Variants in MARCHF1 observed in about 807,000 individuals in gnomAD.
The protein encoded by MARCHF1 is E3 ubiquitin-protein ligase MARCHF1.
Under a neutral mutation model 54.2 loss-of-function variants are expected in MARCHF1, and 40 were observed. That is an observed-to-expected ratio of 0.74 (90% CI 0.57 to 0.96). MARCHF1 has a LOEUF of 0.96. Among genes scored for constraint, MARCHF1 ranks in the 40% least tolerant of loss-of-function variants. MARCHF1 has a pLI of 0.00. For synonymous variants in MARCHF1, 236 were observed against 236.3 expected, an observed-to-expected ratio of 1.00 and a Z score of 0.01; for missense variants, 586 against 656.5, an observed-to-expected ratio of 0.89 and a Z score of 1.17.
At chr4:164,015,323 AC>A (rs1310385271) in intron 2 of MARCHF1, among the ~76,000 whole-genome samples, 1 of 152,194 alleles carries the variant, frequency 6.6e-6, no homozygotes, top group Non-Finnish European at 1.5e-5. Flanking sequence ...TTAAGGACTT[AC>A]AACTAAAAAT....
At chr4:163,797,146 A>T (rs1239014385) in intron 4 of MARCHF1, among the ~76,000 whole-genome samples, 3 of 151,964 alleles carry the variant, frequency 2.0e-5, no homozygotes, top group African/African-American at 4.8e-5. Flanking sequence ...GCTGCATTTC[A>T]CATTTGCTAA....
chr4:163,980,432 A>T (rs1752738737), intron 3 of MARCHF1, among the ~76,000 whole-genome samples: 1 of 149,624 alleles, frequency 6.7e-6, no homozygotes, highest in Non-Finnish European at 1.5e-5. Flanking sequence ...AAACCTAGGC[A>T]TTACCATTCA....
chr4:164,076,295 C>T (rs983294671), intron 2 of MARCHF1, among the ~76,000 whole-genome samples: 2 of 151,824 alleles, frequency 1.3e-5, no homozygotes, highest in Non-Finnish European at 2.9e-5. Flanking sequence ...AATATTAGAG[C>T]TCAAAGAATC....
intron 4 of MARCHF1, among the ~76,000 whole-genome samples, chr4:163,828,629 T>C (rs1280709367): frequency 3.3e-5 from 5 of 152,096 alleles, no homozygotes; most frequent in Admixed American, 2.0e-4. Context: ...TGATTTCAAG[T>C]TTCACACACA....
chr4:163,661,182 TAA>T (rs1743331691), intron 5 of MARCHF1, among the ~76,000 whole-genome samples: 1 of 152,062 alleles, frequency 6.6e-6, no homozygotes, highest in African/African-American at 2.4e-5. Context: ...ACACGAATAT[TAA>T]GTCACCTGCT....
chr4:163,719,662 T>C (rs1745380648), intron 4 of MARCHF1, among the ~76,000 whole-genome samples: 1 of 151,628 alleles, frequency 6.6e-6, no homozygotes. Flanking sequence ...GTAAAAGTGT[T>C]CCTATTTCTC....
intron 1 of MARCHF1, among the ~76,000 whole-genome samples, chr4:164,231,479 T>C (rs1395280176): frequency 6.6e-6 from 1 of 152,202 alleles, no homozygotes; most frequent in African/African-American, 2.4e-5. Context: ...ATCTAGTGTG[T>C]AAATTGTTCA....
intron 3 of MARCHF1, among the ~76,000 whole-genome samples, chr4:163,887,095 T>C (rs1750554762): frequency 6.6e-6 from 1 of 152,138 alleles, no homozygotes; most frequent in Admixed American, 6.6e-5. Context: ...TGATATATTC[T>C]CTACCTTTAG....
intron 2 of MARCHF1, among the ~76,000 whole-genome samples, chr4:163,989,285 T>TAGAG (rs1560850595): frequency 3.3e-4 from 31 of 93,724 alleles, no homozygotes; most frequent in African/African-American, 8.9e-4. Flanking sequence ...GAATGAGGTG[T>TAGAG]TGAGAGAGAG....
intron 8 of MARCHF1, among the ~76,000 whole-genome samples, chr4:163,552,998 C>A (rs13148542): frequency 0.66 from 98,293 of 149,030 alleles, 32,719 homozygotes; most frequent in East Asian, 0.81. Flanking sequence ...GCGCCACTGC[C>A]CTCCAGCCTG....
At chr4:163,533,196 CAAAAGGACACGAAGAAACCTTAA>C (rs1477239649) in intron 9 of MARCHF1, among the ~76,000 whole-genome samples, 10 of 151,956 alleles carry the variant, frequency 6.6e-5, no homozygotes, top group East Asian at 5.8e-4. Context: ...TATCAAGCTA[CAAAAGGACACGAAGAAACCTTAA>C]ATGTATATTG....
chr4:164,311,977 A>G (rs771340627), intron 1 of MARCHF1, among the ~76,000 whole-genome samples: 33 of 152,256 alleles, frequency 2.2e-4, no homozygotes, highest in Middle Eastern at 3.4e-3. Context: ...TTTGATCCCC[A>G]AGTTTCAAAG....
At chr4:163,732,080 C>A (rs1449479365) in intron 4 of MARCHF1, among the ~76,000 whole-genome samples, 6 of 151,502 alleles carry the variant, frequency 4.0e-5, no homozygotes, top group Admixed American at 1.3e-4. Flanking sequence ...GTCCTATGAC[C>A]CATACTGAGA....
At chr4:164,373,667 T>C (rs1336780025) in intron 1 of MARCHF1, among the ~76,000 whole-genome samples, 2 of 152,080 alleles carry the variant, frequency 1.3e-5, no homozygotes, top group African/African-American at 4.8e-5. Context: ...AAAACCACTT[T>C]ATATAACAAA....
At chr4:164,187,193 C>A (rs1579605572) in intron 1 of MARCHF1, among the ~76,000 whole-genome samples, 1 of 151,982 alleles carries the variant, frequency 6.6e-6, no homozygotes, top group African/African-American at 2.4e-5. Flanking sequence ...CAGCTTTGTT[C>A]GAGGAAATCT....
intron 1 of MARCHF1, among the ~76,000 whole-genome samples, chr4:164,286,503 G>GA (rs887971219): frequency 6.6e-6 from 1 of 151,488 alleles, no homozygotes; most frequent in Non-Finnish European, 1.5e-5. Context: ...TGTTTCTTCA[G>GA]AAAAAAATAT....
At chr4:163,587,234 A>T (rs749805140) in intron 7 of MARCHF1, among the ~76,000 whole-genome samples, 1 of 152,198 alleles carries the variant, frequency 6.6e-6, no homozygotes. Flanking sequence ...CCCTTTAATA[A>T]TCTGAATGAT....
chr4:163,561,174 C>A (rs528902676), intron 8 of MARCHF1, among the ~76,000 whole-genome samples: 2 of 152,232 alleles, frequency 1.3e-5, no homozygotes, highest in African/African-American at 4.8e-5. Flanking sequence ...TGGCTACATA[C>A]ATGATATCAT....
At position 164,282,541 on chromosome 4, in the gene MARCHF1, C is replaced by T. The variant is rs1341581476; in HGVS notation, c.-323+101329G>A. On this transcript the variant is annotated intron_variant, in intron 1 of 9. Coordinates refer to ENST00000514618, the MANE Select transcript of MARCHF1 (RefSeq NM_001394959.1). ...CTTTCCCACCATTCATCACCACCGT[C>T]TTGCTTCACTTCCCATTATAAACAC... 2.0e-5 allele frequency among the ~76,000 whole-genome samples: 3 copies of T among 151,036 alleles called. No homozygotes were observed. The East Asian group carries it at 6.0e-4, about 30-fold the overall frequency.
Sources: allele counts gnomAD v4.1 joint callset (sites outside exome capture counted in the v4.1 genomes callset), GRCh38; gene constraint gnomAD v4.1.1; transcripts MANE v1.5; gene names NCBI Gene and HGNC (gene_info 2026-07-23, HGNC 2026-07-21).